Variants in CWF19L1 observed in about 807,000 individuals in gnomAD.
CWF19L1 encodes the protein CWF19 like cell cycle control factor 1, also known as CWF19-like protein 1.
In CWF19L1, 60 loss-of-function variants were observed where a neutral mutation model predicts 69.7. That is an observed-to-expected ratio of 0.86 (90% CI 0.70 to 1.07). The LOEUF is 1.07. CWF19L1 is among the 50% of genes least tolerant of loss of function. The pLI is 0.00. For missense variants in CWF19L1, 591 were observed against 638.9 expected (o/e 0.92, Z 0.81); for synonymous variants, 209 against 222.2 (o/e 0.94, Z 0.53).
chr10:100,242,385 A>C (rs1846665035), intron 10 of CWF19L1, among the ~76,000 whole-genome samples: 1 of 152,158 alleles, frequency 6.6e-6, no homozygotes. Flanking sequence ...CCAGATAAAA[A>C]TTCATAGGCC....
At chr10:100,263,848 T>C (rs1391849803) in intron 1 of CWF19L1, among the ~76,000 whole-genome samples, 1 of 152,266 alleles carries the variant, frequency 6.6e-6, no homozygotes, top group African/African-American at 2.4e-5. Context: ...TAATCCCAGC[T>C]GTTCTCTACT....
chr10:100,250,872 C>T (rs910568105), intron 6 of CWF19L1, among the ~76,000 whole-genome samples: 3 of 151,092 alleles, frequency 2.0e-5, no homozygotes, highest in African/African-American at 7.3e-5. Context: ...CACTTGAGCC[C>T]ACGAGGTTGA....
At chr10:100,261,898 C>A in intron 2 of CWF19L1, 81 bp downstream of exon 2, 1 of 1,222,618 alleles carries the variant, frequency 8.2e-7, no homozygotes, top group Non-Finnish European at 1.1e-6. Context: ...TGTGTTCAAT[C>A]AAGACTTAAA....
At chr10:100,267,285 A>T (rs1367835080) in intron 1 of CWF19L1, 2 of 239,948 alleles carry the variant, frequency 8.3e-6, no homozygotes, top group Non-Finnish European at 1.3e-5. Flanking sequence ...AGGGGAAAGG[A>T]TGTGTCAGAG....
At chr10:100,250,791 T>A (rs1406537720) in intron 6 of CWF19L1, among the ~76,000 whole-genome samples, 9 of 151,810 alleles carry the variant, frequency 5.9e-5, no homozygotes, top group Non-Finnish European at 2.9e-5. Context: ...ACAAAAAAAA[T>A]TTTTTAATTA....
intron 6 of CWF19L1, among the ~76,000 whole-genome samples, chr10:100,252,501 A>G (rs536797973): frequency 1.9e-3 from 285 of 152,152 alleles, no homozygotes; most frequent in African/African-American, 6.7e-3. Flanking sequence ...TAAAAAAATA[A>G]AAACTCCACC....
intron 5 of CWF19L1, chr10:100,254,370 A>C (rs1217665916): frequency 6.6e-6 from 1 of 152,176 alleles, no homozygotes; most frequent in African/African-American, 2.4e-5. Context: ...GAAGGGCATA[A>C]CCACACCCTT....
intron 10 of CWF19L1, among the ~76,000 whole-genome samples, chr10:100,239,168 G>A (rs1846557117): frequency 6.6e-6 from 1 of 152,152 alleles, no homozygotes. Context: ...CAAAGAGGCA[G>A]AAAAGAATGA....
chr10:100,249,964 C>T, intron 7 of CWF19L1: 1 of 400,622 alleles, frequency 2.5e-6, no homozygotes, highest in Non-Finnish European at 4.5e-6. Context: ...CACAAATACC[C>T]ATAGAGACAA....
At position 100,253,509 on chromosome 10, in the gene CWF19L1, C is replaced by G. The variant is rs1027173494; in HGVS notation, c.535G>C (p.Ala179Pro). The G allele has an allele frequency of 3.1e-6, 5 of 1,613,774 alleles. No individual in the cohort carries two copies. Among genetic ancestry groups the G allele is most frequent in the African/African-American group, 1.3e-5 (1 of 74,918 alleles). ...CCCGTGGCAAGACTGGAAACCAAAG[C>G]AGAACCACATTTTTTGGTATCCACT... ...GEVDTKKCGS[A>P]LVSSLATGLK... The change falls in exon 6 of 14, where the codon GCT (alanine) becomes CCT (proline). Residue 179 changes from alanine (A) to proline (P), a missense_variant. This residue lies in a region of CWF19L1 where 458 missense variants were observed against 489.3 expected (regional missense o/e 0.94). Coordinates refer to ENST00000354105, the MANE Select transcript of CWF19L1 (RefSeq NM_018294.6).
chr10:100,241,000 CTTTTTTTTT>C (rs56262807), intron 10 of CWF19L1, among the ~76,000 whole-genome samples: 11 of 70,628 alleles, frequency 1.6e-4, no homozygotes, highest in South Asian at 4.0e-4. Flanking sequence ...CTAATTAAGC[CTTTTTTTTT>C]TTTTTTTTTT....
At chr10:100,262,191 C>G (rs567074234) in intron 1 of CWF19L1, 128 bp from the exon 2 acceptor site, 738 of 1,406,748 alleles carry the variant, frequency 5.2e-4, no homozygotes, top group Admixed American at 9.2e-4. Flanking sequence ...TTGCAAGGTT[C>G]AGTGCACGTA....
intron 7 of CWF19L1, chr10:100,248,581 A>G: frequency 1.4e-6 from 1 of 734,690 alleles, no homozygotes; most frequent in Non-Finnish European, 2.5e-6. Flanking sequence ...CATCTTGACC[A>G]GCATTGAAGA....
intron 2 of CWF19L1, among the ~76,000 whole-genome samples, chr10:100,261,274 G>A (rs569747105): frequency 7.5e-4 from 114 of 152,294 alleles, no homozygotes; most frequent in Admixed American, 3.3e-3. Flanking sequence ...AGATGGGTAA[G>A]AGAGAGTCAA....
intron 10 of CWF19L1, among the ~76,000 whole-genome samples, chr10:100,238,971 C>G (rs1482252422): frequency 1.3e-5 from 2 of 151,446 alleles, no homozygotes; most frequent in Non-Finnish European, 2.9e-5. Flanking sequence ...CTTTCTGCCT[C>G]CCCAGTAACT....
intron 7 of CWF19L1, chr10:100,248,838 G>C (rs1413818370): frequency 1.6e-6 from 2 of 1,243,038 alleles, no homozygotes; most frequent in Non-Finnish European, 2.4e-6. Context: ...GGGAAGCAGA[G>C]AGCACCAGAT....
intron 7 of CWF19L1, 68 bp from the exon 8 acceptor site, chr10:100,247,003 T>C: frequency 7.2e-7 from 1 of 1,383,474 alleles, no homozygotes; most frequent in East Asian, 2.4e-5. Context: ...CAACCTATTT[T>C]ACTGTGAAGA....
At chr10:100,241,156 G>A (rs145309249) in intron 10 of CWF19L1, among the ~76,000 whole-genome samples, 99 of 151,838 alleles carry the variant, frequency 6.5e-4, no homozygotes, top group East Asian at 2.7e-3. Flanking sequence ...GCAGGCGCCC[G>A]CCACCACGCC....
At chr10:100,249,436 C>G (rs1424415151) in intron 7 of CWF19L1, among the ~76,000 whole-genome samples, 1 of 151,628 alleles carries the variant, frequency 6.6e-6, no homozygotes, top group African/African-American at 2.4e-5. Flanking sequence ...GAAATACTCT[C>G]AGAGAAGTGA....
Sources: gnomAD v4.1 joint callset for allele counts (sites outside exome capture counted in the v4.1 genomes callset) on GRCh38, gnomAD v4.1.1 for gene constraint, gnomAD v4.1.1 regional missense constraint, MANE v1.5 for transcripts, NCBI Gene and HGNC (gene_info 2026-07-23, HGNC 2026-07-21) for gene names.